The following PAK5 variants were observed in gnomAD, a reference collection of about 807,000 sequenced individuals.
PAK5 encodes p21 (RAC1) activated kinase 5.
In PAK5, 16 loss-of-function variants were observed where a neutral mutation model predicts 65.9. That is an observed-to-expected ratio of 0.24 (90% confidence interval 0.16 to 0.37). The LOEUF (loss-of-function observed/expected upper bound fraction) is 0.37. Ranked by LOEUF, PAK5 falls within the 10% of genes least tolerant of loss-of-function variation. PAK5 has a pLI of 1.00. For missense variants in PAK5, 785 were observed against 903.9 expected (o/e 0.87, Z 1.69); for synonymous variants, 371 against 354.9 (o/e 1.05, Z -0.51).
chr20:9,766,631 A>G (rs951722816), intron 1 of PAK5, among the ~76,000 whole-genome samples: 2 of 150,880 alleles, frequency 1.3e-5, no homozygotes, highest in Non-Finnish European at 2.9e-5. Context: ...TCCCACAAAC[A>G]TAATGAGTAA....
chr20:9,711,841 T>C (rs1051664318), intron 1 of PAK5, among the ~76,000 whole-genome samples: 4 of 152,204 alleles, frequency 2.6e-5, no homozygotes, highest in Admixed American at 6.5e-5. Context: ...TTATGATTTA[T>C]GAAGTCACCA....
chr20:9,676,665 T>C lies in PAK5; in HGVS notation c.-11-32326A>G, dbSNP rs140798461. 2.3e-3 allele frequency among the ~76,000 whole-genome samples: 344 copies of C among 152,268 alleles called. 2 individuals carry two copies. The highest frequency in any genetic ancestry group is 7.7e-3 in the African/African-American group (318 of 41,550). On this transcript the variant is annotated intron_variant, in intron 2 of 9. Coordinates refer to ENST00000353224, the MANE Select transcript of PAK5 (RefSeq NM_177990.4). ...CAATATGAAAATAAAGGAAAGTCTT[T>C]AGGAGAATATTGAAAAGGTAGATCA...
intron 3 of PAK5, among the ~76,000 whole-genome samples, chr20:9,636,758 A>G (rs1170174237): frequency 6.6e-6 from 1 of 152,232 alleles, no homozygotes; most frequent in Admixed American, 6.5e-5. Context: ...TGTAGAGATT[A>G]GAAGATTGCT....
At chr20:9,588,994 T>C (rs1034110290) in intron 3 of PAK5, among the ~76,000 whole-genome samples, 1 of 152,168 alleles carries the variant, frequency 6.6e-6, no homozygotes, top group African/African-American at 2.4e-5. Flanking sequence ...CGAAAAGAGA[T>C]GAAAAAGTGC....
At chr20:9,593,932 C>T (rs2046219580) in intron 3 of PAK5, among the ~76,000 whole-genome samples, 1 of 151,778 alleles carries the variant, frequency 6.6e-6, no homozygotes, top group Non-Finnish European at 1.5e-5. Context: ...AAGAATGCAC[C>T]TTGAGGATTT....
chr20:9,760,593 T>G (rs1430835957), intron 1 of PAK5, among the ~76,000 whole-genome samples: 1 of 150,170 alleles, frequency 6.7e-6, no homozygotes, highest in African/African-American at 2.4e-5. Context: ...AAAAAAAAAA[T>G]GTATATTTGA....
chr20:9,541,020 G>A (rs1165813010), intron 9 of PAK5, among the ~76,000 whole-genome samples: 12 of 152,168 alleles, frequency 7.9e-5, no homozygotes, highest in Admixed American at 7.9e-4. Context: ...ACAGGCGTGA[G>A]CCACCACACC....
chr20:9,714,944 A>G (rs2123498081), intron 1 of PAK5, among the ~76,000 whole-genome samples: 1 of 152,330 alleles, frequency 6.6e-6, no homozygotes, highest in South Asian at 2.1e-4. Flanking sequence ...TAAAAACCCT[A>G]GAAGAAAACC....
intron 3 of PAK5, among the ~76,000 whole-genome samples, chr20:9,586,825 G>T (rs1193582826): frequency 1.3e-5 from 2 of 152,022 alleles, no homozygotes; most frequent in Non-Finnish European, 2.9e-5. Flanking sequence ...TATTAATACT[G>T]CTATAAGCTA....
At chr20:9,788,755 C>A (rs771086718) in intron 1 of PAK5, among the ~76,000 whole-genome samples, 2 of 152,148 alleles carry the variant, frequency 1.3e-5, no homozygotes, top group Non-Finnish European at 2.9e-5. Context: ...TTCTTCTTGT[C>A]TTGGATAACA....
intron 1 of PAK5, among the ~76,000 whole-genome samples, chr20:9,728,442 T>A (rs1368105523): frequency 6.6e-6 from 1 of 152,198 alleles, no homozygotes; most frequent in Non-Finnish European, 1.5e-5. Flanking sequence ...ATATGTGTAC[T>A]AACCCATGCA....
intron 1 of PAK5, among the ~76,000 whole-genome samples, chr20:9,756,830 T>G (rs539131530): frequency 6.6e-6 from 1 of 152,280 alleles, no homozygotes; most frequent in African/African-American, 2.4e-5. Context: ...TGCAAACATC[T>G]GTAACTTATT....
intron 2 of PAK5, among the ~76,000 whole-genome samples, chr20:9,686,772 T>C (rs60623748): frequency 0.011 from 1,667 of 152,296 alleles, 32 homozygotes; most frequent in African/African-American, 0.038. Context: ...CCCTTTCTTA[T>C]CTGTGTCCTG....
rs185845675 is a variant in PAK5, at chr20:9,605,246, G to A, written c.205-24316C>T. ...TACCTTTGGGGGCATTCATTGCCTGGCATTTCTGGGCAGGATTGTCATGTC... is the reference window on the plus strand; with the variant it reads ...TACCTTTGGGGGCATTCATTGCCTGACATTTCTGGGCAGGATTGTCATGTC... On this transcript the variant is annotated intron_variant, in intron 3 of 9. Transcript: ENST00000353224. 9.8e-4 allele frequency among the ~76,000 whole-genome samples: 149 copies of A among 152,304 alleles called. 1 individual carries two copies. The Middle Eastern group carries it at 0.014, about 14-fold the overall frequency.
intron 1 of PAK5, among the ~76,000 whole-genome samples, chr20:9,756,964 G>A (rs2048641699): frequency 6.6e-6 from 1 of 152,166 alleles, no homozygotes; most frequent in Non-Finnish European, 1.5e-5. Flanking sequence ...AGAGCTACTG[G>A]TTACACCAGC....
chr20:9,723,911 G>T (rs989035407), intron 1 of PAK5, among the ~76,000 whole-genome samples: 1 of 152,166 alleles, frequency 6.6e-6, no homozygotes, highest in Non-Finnish European at 1.5e-5. Flanking sequence ...ATTTGTGGCT[G>T]CTTATTATGT....
intron 2 of PAK5, among the ~76,000 whole-genome samples, chr20:9,652,565 C>A (rs1184293107): frequency 6.6e-6 from 1 of 152,206 alleles, no homozygotes; most frequent in East Asian, 1.9e-4. Flanking sequence ...CTTCCCACTC[C>A]AGGAGAAACT....
At chr20:9,636,927 T>C (rs532400480) in intron 3 of PAK5, among the ~76,000 whole-genome samples, 27 of 152,310 alleles carry the variant, frequency 1.8e-4, no homozygotes, top group Middle Eastern at 3.4e-3. Context: ...CTCTTAAAAT[T>C]ATTGAGGACC....
At chr20:9,597,355 A>G (rs970859543) in intron 3 of PAK5, among the ~76,000 whole-genome samples, 19 of 152,198 alleles carry the variant, frequency 1.2e-4, no homozygotes, top group Admixed American at 2.6e-4. Context: ...ACCTACTGGG[A>G]GAGAAAACTG....
Sources: gnomAD v4.1 joint callset for allele counts (sites outside exome capture counted in the v4.1 genomes callset) on GRCh38, gnomAD v4.1.1 for gene constraint, MANE v1.5 for transcripts, NCBI Gene and HGNC (gene_info 2026-07-23, HGNC 2026-07-21) for gene names.